Variants in CIBAR2 observed in about 807,000 individuals in gnomAD.
CIBAR2 encodes CBY1-interacting BAR domain-containing protein 2.
In CIBAR2, 38 loss-of-function variants were observed where a neutral mutation model predicts 36.2. That is an observed-to-expected ratio of 1.05 (90% CI 0.81 to 1.38). The LOEUF is 1.38. Among genes scored for constraint, CIBAR2 ranks in the 40% most tolerant of loss-of-function variants. The pLI is 0.00. For missense variants in CIBAR2, 481 were observed against 383.4 expected, an observed-to-expected ratio of 1.25 and a Z score of -2.13; for synonymous variants, 182 against 149.5, an observed-to-expected ratio of 1.22 and a Z score of -1.58.
At chr16:85,104,641 G>A (rs1431505787) in intron 6 of CIBAR2, among the ~76,000 whole-genome samples, 4 of 152,198 alleles carry the variant, frequency 2.6e-5, no homozygotes, top group East Asian at 1.9e-4. Context: ...ACTTAAACCC[G>A]GGAGGCGAAG....
rs1212324438 is a variant in CIBAR2 at position 85,110,292 on chromosome 16, C to A, written c.189G>T (p.Glu63Asp). Residue 63 changes from glutamate to aspartate, a missense_variant, in exon 2 of 9, where the codon GAG becomes GAT. Transcript: ENST00000539556. ...LIDFANSENP[E>D]LRATMRGFAE... ...CGAAGCCCCTCATGGTGGCCCGCAG[C>A]TCGGGGTTCTCGGAGTTGGCAAAGT... 1.2e-6 allele frequency: 2 copies of A among 1,610,542 alleles called. No individual in the cohort carries two copies. Among genetic ancestry groups the A allele is most frequent in the African/African-American group, 2.7e-5 (2 of 74,842 alleles).
chr16:85,102,463 A>T (rs1438093874), intron 6 of CIBAR2, 136 bp from the exon 7 acceptor site: 17 of 621,196 alleles, frequency 2.7e-5, no homozygotes, highest in Non-Finnish European at 4.9e-5. Flanking sequence ...GAGTTTCGAC[A>T]TGTTATTTTA....
At position 85,107,889 on chromosome 16, in the gene CIBAR2, A is replaced by G. The variant is rs1430105185; in HGVS notation, c.383T>C (p.Leu128Pro). The G allele has an allele frequency of 6.2e-7, 1 of 1,614,102 alleles. No homozygotes were observed. Residue 128 changes from leucine (L) to proline (P), a missense_variant, in exon 4 of 9, where the codon CTG (leucine) becomes CCG (proline). By Grantham distance (98) the Leu-to-Pro change is moderately conservative. Transcript: ENST00000539556. ...GGGTGACTTCTGCCTCAGTTTCTCC[A>G]GTTTTTCCAGTTGTTTGATCTCATG... ...QNHEIKQLEK[L>P]EKLRQKSPSD...
intron 7 of CIBAR2, among the ~76,000 whole-genome samples, chr16:85,101,119 C>T (rs914170503): frequency 1.3e-5 from 2 of 152,078 alleles, no homozygotes. Context: ...CATGGAAAAG[C>T]CGTGGGCAGC....
chr16:85,108,830 G>T (rs1396101764), intron 2 of CIBAR2, among the ~76,000 whole-genome samples: 2 of 152,200 alleles, frequency 1.3e-5, no homozygotes, highest in African/African-American at 2.4e-5. Context: ...AGCTGAGATT[G>T]CGACACTTCA....
chr16:85,102,343 C>G lies in CIBAR2; in HGVS notation c.538-16G>C, dbSNP rs370396399. ...AAAAAAATTTCTGTGGGGAGAGAAA[C>G]CCAAAGAATGTAAGCATCGCAGTGA... is the stretch of plus-strand genomic sequence containing the variant. On this transcript the variant is annotated splice_polypyrimidine_tract_variant and intron_variant, in intron 6 of 8. Coordinates refer to ENST00000539556, the MANE Select transcript of CIBAR2 (RefSeq NM_198491.3). 6.8e-7 allele frequency: 1 copy of G among 1,474,246 alleles called. No individual in the cohort carries two copies. The highest frequency in any genetic ancestry group is 1.7e-5 in the Admixed American group (1 of 59,826). 91.3% of individuals were successfully genotyped at this position (1,474,246 alleles called of 1,614,324 possible). A position where few individuals can be genotyped will look rare whatever the true frequency, so the allele number is the denominator to read the frequency against.
intron 8 of CIBAR2, among the ~76,000 whole-genome samples, chr16:85,099,766 G>A (rs2073939959): frequency 6.7e-6 from 1 of 149,140 alleles, no homozygotes; most frequent in Admixed American, 6.7e-5. Context: ...TGGGATTACA[G>A]GCATACACCA....
intron 1 of CIBAR2, 113 bp downstream of exon 1, chr16:85,112,220 C>A (rs2074048299): frequency 2.1e-6 from 2 of 930,418 alleles, no homozygotes; most frequent in East Asian, 2.5e-5. Flanking sequence ...TCCCCTCACC[C>A]CCAACCCCCA....
chr16:85,105,498 G>T, intron 5 of CIBAR2, 67 bp from the exon 6 acceptor site: 1 of 1,132,746 alleles, frequency 8.8e-7, no homozygotes, highest in South Asian at 1.3e-5. Context: ...ACACCTTTCT[G>T]AATCACTCTG....
chr16:85,100,547 G>A (rs2073947332), intron 7 of CIBAR2, among the ~76,000 whole-genome samples: 1 of 146,438 alleles, frequency 6.8e-6, no homozygotes, highest in African/African-American at 2.6e-5. Context: ...ATTGTGAAGT[G>A]AGTGAATGCG....
chr16:85,110,720 T>TTTTTTC (rs778091487), intron 1 of CIBAR2, among the ~76,000 whole-genome samples: 4,015 of 135,342 alleles, frequency 0.03, 352 homozygotes, highest in African/African-American at 0.11. Flanking sequence ...TTTTTTTTTT[T>TTTTTTC]TGGAGACAGA....
chr16:85,105,203 C>G (rs920079132), intron 6 of CIBAR2, 124 bp downstream of exon 6: 8 of 585,904 alleles, frequency 1.4e-5, no homozygotes, highest in African/African-American at 1.3e-4. Flanking sequence ...TTCCAGTGCT[C>G]ACACGTGTAC....
intron 7 of CIBAR2, among the ~76,000 whole-genome samples, chr16:85,101,911 G>T (rs567693778): frequency 6.6e-6 from 1 of 152,018 alleles, no homozygotes; most frequent in Non-Finnish European, 1.5e-5. Context: ...CAGGTGATCC[G>T]CCTACCTCGG....
chr16:85,103,872 C>T (rs1190619468), intron 6 of CIBAR2, among the ~76,000 whole-genome samples: 3 of 152,190 alleles, frequency 2.0e-5, no homozygotes, highest in Non-Finnish European at 2.9e-5. Flanking sequence ...TGCTCCACGA[C>T]GTGATGAATG....
At position 85,110,275 on chromosome 16, in the gene CIBAR2, C is replaced by G. The variant is rs375570292; in HGVS notation, c.206G>C (p.Arg69Thr). 48 of 1,607,924 alleles carry G rather than the reference C, an allele frequency of 3.0e-5. No individual in the cohort carries two copies. The highest frequency in any genetic ancestry group is 5.1e-5 in the Admixed American group (3 of 59,328). Residue 69 changes from arginine to threonine, a missense_variant, in exon 2 of 9, where the codon AGG (arginine) becomes ACG (threonine). Physicochemically the swap from Arg to Thr is moderately conservative, Grantham distance 71. Coordinates refer to ENST00000539556, the MANE Select transcript of CIBAR2 (RefSeq NM_198491.3). Reference sequence around the variant, plus strand: ...TTTGGCCAGGTCCTCAGCGAAGCCCCTCATGGTGGCCCGCAGCTCGGGGTT... The same window carrying G: ...TTTGGCCAGGTCCTCAGCGAAGCCCGTCATGGTGGCCCGCAGCTCGGGGTT... ...SENPELRATM[R>T]GFAEDLAKVQ...
chr16:85,107,980 T>C (rs765000325), intron 3 of CIBAR2, 33 bp from the exon 4 acceptor site: 1 of 1,613,368 alleles, frequency 6.2e-7, no homozygotes, highest in Non-Finnish European at 8.5e-7. Context: ...TTTCCTGGGA[T>C]CCCACAGGGC....
Position 85,105,415 on chromosome 16 carries a change from T to G in CIBAR2, c.449A>C (p.Gln150Pro), listed in dbSNP as rs527351535. Residue 150 changes from glutamine to proline, a missense_variant, in exon 6 of 9, where the codon CAG (glutamine) becomes CCG (proline). Transcript: ENST00000539556. The stretch of plus-strand genomic sequence containing the variant: ...GCGGCTGGAGTCCACAGCGGCCCTC[T>G]GCACTCTGGTCTCTGCCTGGCCCCA... Reference protein sequence around the residue: ...QMISQAETRVQRAAVDSSRTT... With the variant: ...QMISQAETRVPRAAVDSSRTT... 2.7e-5 allele frequency: 44 copies of G among 1,613,658 alleles called. No individual in the cohort carries two copies. In the South Asian group the frequency reaches 3.4e-4, roughly 12 times the overall value.
chr16:85,099,936 C>T (rs2073941950), intron 8 of CIBAR2, among the ~76,000 whole-genome samples: 2 of 151,774 alleles, frequency 1.3e-5, no homozygotes, highest in South Asian at 2.1e-4. Context: ...AGCCACCGTG[C>T]CCAGCTTCAT....
intron 1 of CIBAR2, among the ~76,000 whole-genome samples, chr16:85,111,071 C>G (rs1052311351): frequency 6.6e-6 from 1 of 152,040 alleles, no homozygotes; most frequent in Admixed American, 6.5e-5. Context: ...ACTGATCCAC[C>G]GCATTCAGGC....
Sources: allele counts gnomAD v4.1 joint callset (sites outside exome capture counted in the v4.1 genomes callset), GRCh38; gene constraint gnomAD v4.1.1; transcripts MANE v1.5; gene names NCBI Gene and HGNC (gene_info 2026-07-23, HGNC 2026-07-21).